CACYBP: variants seen among roughly 807,000 people sequenced by gnomAD.
CACYBP encodes the protein calcyclin-binding protein.
A neutral mutation model predicts 29.6 loss-of-function variants in CACYBP; 11 were observed. The ratio of observed to expected loss-of-function variants is 0.37; its 90% CI spans 0.23 to 0.61. CACYBP has a LOEUF of 0.61. Among genes scored for constraint, CACYBP ranks in the 20% least tolerant of loss-of-function variants. The probability of loss-of-function intolerance (pLI) is 0.65; values close to 1 mark genes in which losing one functional copy is unlikely to be tolerated. For synonymous variants in CACYBP, 73 were observed against 88.3 expected, an observed-to-expected ratio of 0.83 and a Z score of 0.97; for missense variants, 163 against 260.7, an observed-to-expected ratio of 0.63 and a Z score of 2.58.
Position 175,006,122 on chromosome 1 carries a change from T to TAAA in CACYBP, c.236-622_236-621insAAA, listed in dbSNP as rs1672615519. ...ATGTGATGGTATTTTGTGAAGTATT[T>TAAA]ATATATATGTCTTTTATGTTGACAG... On this transcript the variant is annotated intron_variant, in intron 2 of 5. Transcript: ENST00000367679. Among the ~76,000 whole-genome samples, 6 of 152,322 alleles carry TAAA rather than the reference T, an allele frequency of 3.9e-5. No homozygotes were observed. The South Asian group carries it at 8.3e-4, about 21-fold the overall frequency.
In CACYBP at chr1:175,011,841, C is replaced by A. The variant is rs1672765193; in HGVS notation, c.*1762C>A. The A allele has an allele frequency of 6.6e-6, 1 of 152,290 alleles. No individual in the cohort carries two copies. The highest frequency in any genetic ancestry group is 1.5e-5 in the Non-Finnish European group (1 of 68,086). The allele number at this position is 152,290 out of a possible 1,614,324, so 9.4% of individuals were successfully genotyped here. On this transcript the variant is annotated 3_prime_UTR_variant, in exon 6 of 6. Coordinates refer to ENST00000367679, the MANE Select transcript of CACYBP (RefSeq NM_014412.3). ...ATATTTGGGCAGGTGCAGTGGCTCA[C>A]ACCTGTAATCCCAACACCTTGGGAG...
chr1:175,009,998 A>T lies in CACYBP; in HGVS notation c.606A>T (p.Gly202=). ...TTCTAAAGAAAATTTATGAAGATGGAGACGATGATATGAAGCGAACCATTA... is the reference window on the plus strand; with the variant it reads ...TTCTAAAGAAAATTTATGAAGATGGTGACGATGATATGAAGCGAACCATTA... ...MNVLKKIYED[G]DDDMKRTINK... The change falls in exon 6 of 6, where the codon GGA becomes GGT. Residue 202 remains glycine (G), a synonymous_variant. Transcript: ENST00000367679. The T allele has an allele frequency of 6.2e-7, 1 of 1,613,308 alleles. No individual in the cohort carries two copies. Among genetic ancestry groups the T allele is most frequent in the East Asian group, 2.2e-5 (1 of 44,868 alleles).
chr1:175,000,022 G>A lies in CACYBP; in HGVS notation c.-159G>A, dbSNP rs1672422707. On this transcript the variant is annotated 5_prime_UTR_variant, in exon 1 of 6. Transcript: ENST00000367679. ...GGTTCGAGATCCGTCGCGTGCGGGA[G>A]GCGGGCCGCGATCTTGCGCAGGGTC... 1 of 1,051,954 alleles carries A rather than the reference G, an allele frequency of 9.5e-7. No individual in the cohort carries two copies. Among genetic ancestry groups the A allele is most frequent in the Admixed American group, 2.1e-5 (1 of 47,542 alleles). The allele number at this position is 1,051,954 out of a possible 1,614,324, so 65.2% of individuals were successfully genotyped here.
chr1:175,005,940 T>G (rs549633586), intron 2 of CACYBP, among the ~76,000 whole-genome samples: 1 of 152,098 alleles, frequency 6.6e-6, no homozygotes, highest in East Asian at 1.9e-4. Flanking sequence ...ATGGGGTACA[T>G]GAGATGTTTG....
chr1:175,008,500 G>C, intron 4 of CACYBP, 109 bp from the exon 5 acceptor site: 1 of 651,222 alleles, frequency 1.5e-6, no homozygotes, highest in Non-Finnish European at 2.8e-6. Context: ...CCCAAAATAA[G>C]TCTATACATA....
chr1:175,010,776 C>T lies in CACYBP; in HGVS notation c.*697C>T, dbSNP rs1368143987. On this transcript the variant is annotated 3_prime_UTR_variant, in exon 6 of 6. Transcript: ENST00000367679. ...TTGAAAGCCCGTCTATTCCTATGCT[C>T]AATAAAGTTAAGTTTTTCTTCATTA... The T allele has an allele frequency of 1.3e-5, 2 of 152,130 alleles. No individual in the cohort carries two copies. The highest frequency in any genetic ancestry group is 2.9e-5 in the Non-Finnish European group (2 of 68,030). The allele number at this position is 152,130 out of a possible 1,614,324, so 9.4% of individuals were successfully genotyped here.
Position 175,000,117 on chromosome 1 carries a change from G to A in CACYBP, c.-64G>A. 6.4e-6 allele frequency: 10 copies of A among 1,565,970 alleles called. No individual in the cohort carries two copies. The South Asian group carries it at 7.0e-5, about 11-fold the overall frequency. ...TCTGCGCTCGGTTTGAGGGCTCGGCGCGGGGTTTCCTGTTCCTCCTTCTGC... is the reference window on the plus strand; with the variant it reads ...TCTGCGCTCGGTTTGAGGGCTCGGCACGGGGTTTCCTGTTCCTCCTTCTGC... On this transcript the variant is annotated 5_prime_UTR_variant, in exon 1 of 6. Coordinates refer to ENST00000367679, the MANE Select transcript of CACYBP (RefSeq NM_014412.3).
At chr1:175,000,935 A>G (rs1395808861) in intron 1 of CACYBP, among the ~76,000 whole-genome samples, 2 of 152,198 alleles carry the variant, frequency 1.3e-5, no homozygotes, top group African/African-American at 4.8e-5. Flanking sequence ...GAATGATAGT[A>G]CTTGTATTGC....
At chr1:175,002,818 T>TC (rs1015204050) in intron 1 of CACYBP, among the ~76,000 whole-genome samples, 11 of 152,206 alleles carry the variant, frequency 7.2e-5, no homozygotes, top group African/African-American at 2.7e-4. Context: ...ATTGGGGGAA[T>TC]CCCTTGCCTA....
At chr1:175,006,719 G>A (rs376303272) in intron 2 of CACYBP, 26 bp from the exon 3 acceptor site, 38 of 1,197,148 alleles carry the variant, frequency 3.2e-5, no homozygotes, top group Non-Finnish European at 4.4e-5. Context: ...GCTTACTTAC[G>A]TCCCATCTTT....
chr1:175,002,379 A>G (rs952496804), intron 1 of CACYBP, among the ~76,000 whole-genome samples: 1 of 152,058 alleles, frequency 6.6e-6, no homozygotes, highest in Non-Finnish European at 1.5e-5. Flanking sequence ...CCAATGATGA[A>G]GATGTTGAGC....
In CACYBP at chr1:175,000,088, G is replaced by A. The variant is rs1672427543; in HGVS notation, c.-93G>A. 3.3e-6 allele frequency: 5 copies of A among 1,512,052 alleles called. No homozygotes were observed. The South Asian group carries it at 6.0e-5, about 18-fold the overall frequency. The allele number at this position is 1,512,052 out of a possible 1,614,324, so 93.7% of individuals were successfully genotyped here. ...TGCAGCGCCGCGACTCGTGCGGGTA[G>A]GCGTCTGCGCTCGGTTTGAGGGCTC... On this transcript the variant is annotated 5_prime_UTR_variant, in exon 1 of 6. Coordinates refer to ENST00000367679, the MANE Select transcript of CACYBP (RefSeq NM_014412.3).
At chr1:175,006,669 T>G in intron 2 of CACYBP, 76 bp from the exon 3 acceptor site, 1 of 727,368 alleles carries the variant, frequency 1.4e-6, no homozygotes, top group Non-Finnish European at 2.4e-6. Flanking sequence ...TCCTGACTTA[T>G]GAGCCATGTG....
In CACYBP at chr1:175,011,315, C is replaced by G. The variant is rs1327277119; in HGVS notation, c.*1236C>G. ...TGACACATGAACAGAATAGCAGACA[C>G]AATGCATATGAAAGTTACAGAATAT... On this transcript the variant is annotated 3_prime_UTR_variant, in exon 6 of 6. Coordinates refer to ENST00000367679, the MANE Select transcript of CACYBP (RefSeq NM_014412.3). 1 of 151,884 alleles carries G rather than the reference C, an allele frequency of 6.6e-6. No homozygotes were observed. Among genetic ancestry groups the G allele is most frequent in the African/African-American group, 2.4e-5 (1 of 41,282 alleles). The allele number at this position is 151,884 out of a possible 1,614,324, so 9.4% of individuals were successfully genotyped here.
intron 2 of CACYBP, among the ~76,000 whole-genome samples, chr1:175,005,651 T>C (rs142603667): frequency 3.9e-5 from 6 of 152,272 alleles, no homozygotes; most frequent in Admixed American, 6.5e-5. Flanking sequence ...GAAAAGCATG[T>C]GTATGTCGTG....
At chr1:175,003,514 A>G (rs1419109286) in intron 1 of CACYBP, among the ~76,000 whole-genome samples, 5 of 152,266 alleles carry the variant, frequency 3.3e-5, no homozygotes, top group African/African-American at 1.2e-4. Context: ...AGTAAAAGAA[A>G]AGAATTAGTT....
chr1:175,010,146 T>C lies in CACYBP; in HGVS notation c.*67T>C, dbSNP rs1050941960. ...TACTGATGTTTCCAGTAAGGGAATA[T>C]TGGTGAGCTGCATATATAAATTTGA... On this transcript the variant is annotated 3_prime_UTR_variant, in exon 6 of 6. Transcript: ENST00000367679. 3.7e-6 allele frequency: 5 copies of C among 1,345,176 alleles called. No homozygotes were observed. The South Asian group carries it at 6.5e-5, about 17-fold the overall frequency. 83.3% of individuals were successfully genotyped at this position (1,345,176 alleles called of 1,614,324 possible).
chr1:175,008,927 T>C (rs1335754650), intron 5 of CACYBP: 3 of 456,260 alleles, frequency 6.6e-6, no homozygotes, highest in Non-Finnish European at 1.2e-5. Context: ...TACAAATAAC[T>C]GTGCCCATTC....
In CACYBP at chr1:175,008,721, A is replaced by AT. The variant is rs1199104575; in HGVS notation, c.530+22dup. ...AAAGAAAAAGAGTGAGTCTACTTCC[A>AT]TTTTTTTAAAGAATTTTAGTGTATT... On this transcript the variant is annotated intron_variant, in intron 5 of 5. Transcript: ENST00000367679. 1.3e-5 allele frequency: 16 copies of AT among 1,216,934 alleles called. No individual in the cohort carries two copies. The highest frequency in any genetic ancestry group is 1.6e-5 in the Non-Finnish European group (13 of 818,372). 75.4% of individuals were successfully genotyped at this position (1,216,934 alleles called of 1,614,324 possible).
Sources: gnomAD v4.1 joint callset for allele counts (sites outside exome capture counted in the v4.1 genomes callset) on GRCh38, gnomAD v4.1.1 for gene constraint, MANE v1.5 for transcripts, NCBI Gene and HGNC (gene_info 2026-07-23, HGNC 2026-07-21) for gene names.